Variants in NFKB1 observed in about 807,000 individuals in gnomAD.
NFKB1 encodes nuclear factor kappa B subunit 1.
In NFKB1, 9 loss-of-function variants were observed where a neutral mutation model predicts 105.1. That is an observed-to-expected ratio of 0.09 (90% CI 0.05 to 0.15). The LOEUF (loss-of-function observed/expected upper bound fraction) is 0.15, where lower values mean the gene tolerates loss of function less well. Ranked by LOEUF, NFKB1 falls within the 10% of genes least tolerant of loss-of-function variation. The probability of loss-of-function intolerance (pLI) is 1.00; values close to 1 mark genes in which losing one functional copy is unlikely to be tolerated. For missense variants in NFKB1, 830 were observed against 1,203.7 expected (o/e 0.69, Z 4.59); for synonymous variants, 440 against 442.2 (o/e 1.00, Z 0.06).
intron 5 of NFKB1, among the ~76,000 whole-genome samples, chr4:102,563,819 CT>C (rs34134600): frequency 0.019 from 2,416 of 124,552 alleles, 32 homozygotes; most frequent in African/African-American, 0.046. Context: ...AAGCTTAACT[CT>C]TTTTTTTTTT....
intron 16 of NFKB1, among the ~76,000 whole-genome samples, chr4:102,606,141 GAAGTGATGGATTTGT>G (rs1489304075): frequency 6.6e-6 from 1 of 152,156 alleles, no homozygotes; most frequent in Non-Finnish European, 1.5e-5. Context: ...GTAAGTATAT[GAAGTGATGGATTTGT>G]AACTTAGCCT....
intron 16 of NFKB1, among the ~76,000 whole-genome samples, chr4:102,605,237 G>T (rs1727604377): frequency 6.6e-6 from 1 of 152,020 alleles, no homozygotes; most frequent in Admixed American, 6.5e-5. Flanking sequence ...TTCAGGCCAG[G>T]TTGATAGTCC....
intron 4 of NFKB1, among the ~76,000 whole-genome samples, chr4:102,536,758 C>T (rs760019037): frequency 1.3e-5 from 2 of 152,078 alleles, no homozygotes; most frequent in Admixed American, 1.3e-4. Flanking sequence ...GCTGTATATG[C>T]AGAGTTGGTC....
At chr4:102,547,085 T>A (rs991667525) in intron 5 of NFKB1, among the ~76,000 whole-genome samples, 4 of 152,128 alleles carry the variant, frequency 2.6e-5, no homozygotes, top group Non-Finnish European at 4.4e-5. Context: ...AATAAGCCAC[T>A]CTGTTTAAGA....
intron 4 of NFKB1, among the ~76,000 whole-genome samples, chr4:102,537,209 G>A (rs1233873248): frequency 1.3e-5 from 2 of 152,136 alleles, no homozygotes; most frequent in Non-Finnish European, 2.9e-5. Context: ...GGGTTAGATA[G>A]TATTTAAGGG....
chr4:102,502,098 A>C (rs1032894363), intron 1 of NFKB1: 1 of 152,324 alleles, frequency 6.6e-6, no homozygotes, highest in African/African-American at 2.4e-5. Context: ...AAACTTTTAA[A>C]ATCCCCAACC....
rs1370092571 is a variant in NFKB1, at chr4:102,576,888, G to A, written c.420G>A (p.Leu140=). ...GTTTTTTCTCCAGCTTCGCAAACCT[G>A]GGTATACTTCATGTGACAAAGAAAA... ...PKDMVVGFAN[L]GILHVTKKKV... The change falls in exon 7 of 24, where the codon CTG becomes CTA. Residue 140 remains leucine (L), a synonymous_variant. Transcript: ENST00000226574. The A allele has an allele frequency of 1.9e-5, 31 of 1,611,590 alleles. No homozygotes were observed. The highest frequency in any genetic ancestry group is 2.5e-5 in the Non-Finnish European group (30 of 1,179,170).
Position 102,566,641 on chromosome 4 carries a change from T to A in NFKB1, c.259-346T>A, listed in dbSNP as rs527579779. 1.2e-4 allele frequency among the ~76,000 whole-genome samples: 19 copies of A among 152,350 alleles called. No individual in the cohort carries two copies. In the South Asian group the frequency reaches 3.9e-3, roughly 32 times the overall value. On this transcript the variant is annotated intron_variant, in intron 5 of 23. Coordinates refer to ENST00000226574, the MANE Select transcript of NFKB1 (RefSeq NM_003998.4). ...TTGTGACCAAGAATTTTGATGAGGA[T>A]GCAGAGGAAGGCATGTTCTTGGTTA...
At chr4:102,509,368 G>A (rs905061645) in intron 1 of NFKB1, among the ~76,000 whole-genome samples, 2 of 152,110 alleles carry the variant, frequency 1.3e-5, no homozygotes, top group Admixed American at 6.6e-5. Flanking sequence ...GATGGGTGGG[G>A]AAGTATCCCA....
intron 18 of NFKB1, 85 bp from the exon 19 acceptor site, chr4:102,607,564 C>T (rs905356541): frequency 7.2e-7 from 1 of 1,394,908 alleles, no homozygotes; most frequent in African/African-American, 1.4e-5. Context: ...GTAATAGGAC[C>T]CAAGGAGCCA....
At position 102,600,954 on chromosome 4, in the gene NFKB1, T is replaced by C; in HGVS notation, c.1697T>C (p.Val566Ala). The change falls in exon 16 of 24, where the codon GTC (valine) becomes GCC (alanine). Residue 566 changes from valine to alanine, a missense_variant. By Grantham distance (64) the Val-to-Ala change is moderately conservative. This residue lies in a region of NFKB1 where 418 missense variants were observed against 575.3 expected (regional missense o/e 0.73). Coordinates refer to ENST00000226574, the MANE Select transcript of NFKB1 (RefSeq NM_003998.4). ...HSQLVRDLLE[V>A]TSGLISDDII... ...CAACTTGTGAGGGATCTACTAGAAG[T>C]CACATCTGGTTTGATTTCTGATGAC... is the stretch of plus-strand genomic sequence containing the variant. 6.2e-7 allele frequency: 1 copy of C among 1,613,146 alleles called. No homozygotes were observed. Among genetic ancestry groups the C allele is most frequent in the Non-Finnish European group, 8.5e-7 (1 of 1,179,116 alleles).
chr4:102,552,853 C>T (rs2149145957), intron 5 of NFKB1, among the ~76,000 whole-genome samples: 1 of 152,138 alleles, frequency 6.6e-6, no homozygotes, highest in African/African-American at 2.4e-5. Flanking sequence ...TTGGTGTTTC[C>T]CCCCTTCCTA....
chr4:102,509,495 T>C (rs1403611298), intron 1 of NFKB1, among the ~76,000 whole-genome samples: 1 of 152,230 alleles, frequency 6.6e-6, no homozygotes, highest in Non-Finnish European at 1.5e-5. Flanking sequence ...CTATATTTAC[T>C]GAGTATCTGT....
intron 11 of NFKB1, among the ~76,000 whole-genome samples, chr4:102,587,234 A>G (rs1203633729): frequency 2.0e-5 from 3 of 152,210 alleles, no homozygotes; most frequent in African/African-American, 7.2e-5. Context: ...CCTACACAAA[A>G]TGATGTGAAA....
At chr4:102,543,638 CT>C (rs1362371849) in intron 5 of NFKB1, among the ~76,000 whole-genome samples, 5 of 150,324 alleles carry the variant, frequency 3.3e-5, no homozygotes, top group Admixed American at 2.7e-4. Context: ...CTCTTCGTGC[CT>C]TTCCTTAAAA....
At chr4:102,550,304 C>T (rs536653014) in intron 5 of NFKB1, among the ~76,000 whole-genome samples, 1 of 152,178 alleles carries the variant, frequency 6.6e-6, no homozygotes, top group South Asian at 2.1e-4. Flanking sequence ...CACCCTATAC[C>T]TTCACTACCC....
chr4:102,582,530 C>T lies in NFKB1; in HGVS notation c.836-336C>T, dbSNP rs147006085. Among the ~76,000 whole-genome samples the T allele has an allele frequency of 3.4e-4, 52 of 152,204 alleles. 1 individual carries two copies. In the East Asian group the frequency reaches 7.5e-3, roughly 22 times the overall value. On this transcript the variant is annotated intron_variant, in intron 9 of 23. Coordinates refer to ENST00000226574, the MANE Select transcript of NFKB1 (RefSeq NM_003998.4). ...ATCTATATATTGAATTGCACTGCCT[C>T]GTTGGATTCTAATATTCTTCCACCA...
intron 4 of NFKB1, among the ~76,000 whole-genome samples, chr4:102,535,578 A>C (rs76605938): frequency 0.012 from 1,868 of 152,266 alleles, 42 homozygotes; most frequent in African/African-American, 0.043. Context: ...ATTTTAAGCA[A>C]ATGGAGTTAC....
At chr4:102,593,153 A>G (rs1726309390) in intron 11 of NFKB1, 1 of 232,542 alleles carries the variant, frequency 4.3e-6, no homozygotes, top group Non-Finnish European at 8.2e-6. Flanking sequence ...CAAATATTTC[A>G]CTAGTTTTAA....
Sources: gnomAD v4.1 joint callset for allele counts (sites outside exome capture counted in the v4.1 genomes callset) on GRCh38, gnomAD v4.1.1 for gene constraint, gnomAD v4.1.1 regional missense constraint, MANE v1.5 for transcripts, NCBI Gene and HGNC (gene_info 2026-07-23, HGNC 2026-07-21) for gene names.